LYPD6B: variants seen among roughly 807,000 people sequenced by gnomAD.
LYPD6B encodes ly6/PLAUR domain-containing protein 6B.
A neutral mutation model predicts 22.8 loss-of-function variants in LYPD6B; 17 were observed. The observed-to-expected ratio is 0.75, with a 90% confidence interval of 0.51 to 1.12. The LOEUF (loss-of-function observed/expected upper bound fraction) is 1.12. Among genes scored for constraint, LYPD6B ranks in the 50% most tolerant of loss-of-function variants. LYPD6B has a pLI of 0.00. For synonymous variants in LYPD6B, 106 were observed against 91.6 expected (o/e 1.16, Z -0.90); for missense variants, 221 against 258.3 (o/e 0.86, Z 0.99).
intron 1 of LYPD6B, among the ~76,000 whole-genome samples, chr2:149,066,730 C>T (rs1684353713): frequency 6.6e-6 from 1 of 152,080 alleles, no homozygotes; most frequent in African/African-American, 2.4e-5. Flanking sequence ...TCTTCACCCT[C>T]CAACATTCTC....
At chr2:149,118,843 T>C (rs1000000215) in intron 1 of LYPD6B, among the ~76,000 whole-genome samples, 1 of 152,242 alleles carries the variant, frequency 6.6e-6, no homozygotes, top group Non-Finnish European at 1.5e-5. Context: ...GTTAATCTAC[T>C]GCCTCTCACT....
intron 1 of LYPD6B, among the ~76,000 whole-genome samples, chr2:149,119,954 C>T (rs1009092148): frequency 6.6e-6 from 1 of 152,078 alleles, no homozygotes; most frequent in Non-Finnish European, 1.5e-5. Context: ...TTTTGCACTC[C>T]TGTTAGCTTT....
In LYPD6B at chr2:149,199,539, G is replaced by A. The variant is rs987476960; in HGVS notation, c.78-5714G>A. On this transcript the variant is annotated intron_variant, in intron 3 of 6. Transcript: ENST00000409642. ...TGGACAAGCTATAGTGAAGGCTGAG[G>A]CTGAATCATGATTTTATTTTTTCCT... 5.3e-5 allele frequency among the ~76,000 whole-genome samples: 8 copies of A among 152,226 alleles called. No homozygotes were observed. In the East Asian group the frequency reaches 1.4e-3, roughly 26 times the overall value.
At position 149,208,408 on chromosome 2, in the gene LYPD6B, A is replaced by G; in HGVS notation, c.324A>G (p.Pro108=). ...CNRWAEDKWC[P]QNTQYCLTVH... The stretch of plus-strand genomic sequence containing the variant: ...GATGGGCAGAAGACAAATGGTGTCC[A>G]CAAAGTAAGTGTGCTGAGTTTGGAA... Residue 108 remains proline, a synonymous_variant, in exon 5 of 7, where the codon CCA becomes CCG. Coordinates refer to ENST00000409642, the MANE Select transcript of LYPD6B (RefSeq NM_177964.5). 6.2e-7 allele frequency: 1 copy of G among 1,611,860 alleles called. No homozygotes were observed. The highest frequency in any genetic ancestry group is 8.5e-7 in the Non-Finnish European group (1 of 1,177,966).
intron 1 of LYPD6B, among the ~76,000 whole-genome samples, chr2:149,116,400 T>C (rs927925758): frequency 2.0e-5 from 3 of 152,078 alleles, no homozygotes; most frequent in Non-Finnish European, 4.4e-5. Flanking sequence ...GATTGAGGGG[T>C]TGTTATGGCA....
At chr2:149,159,027 T>C (rs229331) in intron 2 of LYPD6B, among the ~76,000 whole-genome samples, 122,279 of 152,148 alleles carry the variant, frequency 0.8, 49,322 homozygotes, top group Non-Finnish European at 0.83. Flanking sequence ...CTTTTATCCC[T>C]GGATCAGGCC....
chr2:149,154,194 G>C (rs1689552464), intron 2 of LYPD6B: 1 of 155,436 alleles, frequency 6.4e-6, no homozygotes, highest in African/African-American at 2.5e-5. Flanking sequence ...CTCAGGATGA[G>C]CTCATCCTGG....
In LYPD6B at chr2:149,213,957, G is replaced by A. The variant is rs558942165; in HGVS notation, c.460-589G>A. Reference sequence around the variant, plus strand: ...TCCTGGAAGCCTCTATGAATGGCTGGGTTTATCAGGTTGAGACATTGTACC... The same window carrying A: ...TCCTGGAAGCCTCTATGAATGGCTGAGTTTATCAGGTTGAGACATTGTACC... On this transcript the variant is annotated intron_variant, in intron 6 of 6. Transcript: ENST00000409642. Among the ~76,000 whole-genome samples, 3 of 152,180 alleles carry A rather than the reference G, an allele frequency of 2.0e-5. No individual in the cohort carries two copies. The East Asian group carries it at 5.8e-4, about 29-fold the overall frequency.
At chr2:149,104,552 A>T (rs1686375090) in intron 1 of LYPD6B, among the ~76,000 whole-genome samples, 1 of 152,198 alleles carries the variant, frequency 6.6e-6, no homozygotes, top group Admixed American at 6.5e-5. Context: ...GTGTCTGCCC[A>T]TTTAAAAATT....
At chr2:149,122,399 TA>T (rs1395477449) in intron 1 of LYPD6B, among the ~76,000 whole-genome samples, 170 of 150,460 alleles carry the variant, frequency 1.1e-3, no homozygotes, top group African/African-American at 4.1e-3. Flanking sequence ...TTCTTTTTTT[TA>T]AAAATTATTA....
intron 1 of LYPD6B, among the ~76,000 whole-genome samples, chr2:149,083,913 A>G (rs988745037): frequency 2.2e-4 from 33 of 151,330 alleles, no homozygotes; most frequent in African/African-American, 5.8e-4. Context: ...TGTGTCTACT[A>G]AAATAAAAAA....
At chr2:149,044,259 G>A (rs1456821280) in intron 1 of LYPD6B, among the ~76,000 whole-genome samples, 1 of 152,028 alleles carries the variant, frequency 6.6e-6, no homozygotes, top group East Asian at 1.9e-4. Flanking sequence ...TAGTTCATGA[G>A]CAGGGTATAA....
intron 2 of LYPD6B, among the ~76,000 whole-genome samples, chr2:149,137,382 A>G (rs1390929814): frequency 1.3e-5 from 2 of 152,184 alleles, no homozygotes; most frequent in Non-Finnish European, 2.9e-5. Context: ...CAAAGGGTTC[A>G]TTTAAGGGTA....
intron 1 of LYPD6B, among the ~76,000 whole-genome samples, chr2:149,069,187 G>A (rs1014249276): frequency 2.0e-5 from 3 of 151,700 alleles, no homozygotes; most frequent in African/African-American, 4.8e-5. Flanking sequence ...TGGTGGGGGT[G>A]GCCTTGGGAG....
intron 1 of LYPD6B, among the ~76,000 whole-genome samples, chr2:149,098,769 T>TTC (rs550207927): frequency 4.7e-5 from 7 of 150,490 alleles, no homozygotes; most frequent in Non-Finnish European, 8.9e-5. Flanking sequence ...CTTTTTCTTT[T>TTC]TTTTTTTTTT....
intron 2 of LYPD6B, among the ~76,000 whole-genome samples, chr2:149,140,030 T>A (rs962408557): frequency 2.0e-5 from 3 of 152,208 alleles, no homozygotes; most frequent in African/African-American, 7.2e-5. Flanking sequence ...GGGGTGGATT[T>A]TTTTTTCTTT....
intron 5 of LYPD6B, among the ~76,000 whole-genome samples, chr2:149,210,537 CG>C (rs958416493): frequency 6.6e-6 from 1 of 152,186 alleles, no homozygotes; most frequent in Non-Finnish European, 1.5e-5. Context: ...AACCATTTCT[CG>C]GGGCAAATAG....
At chr2:149,209,672 A>G (rs1202211076) in intron 5 of LYPD6B, among the ~76,000 whole-genome samples, 1 of 152,198 alleles carries the variant, frequency 6.6e-6, no homozygotes, top group East Asian at 1.9e-4. Context: ...TACTAATCCA[A>G]TAAATACATT....
chr2:149,076,052 T>C (rs1684865875), intron 1 of LYPD6B, among the ~76,000 whole-genome samples: 1 of 152,118 alleles, frequency 6.6e-6, no homozygotes, highest in African/African-American at 2.4e-5. Context: ...GTTTTGAGTT[T>C]AGGAACGTGA....
Sources: allele counts gnomAD v4.1 joint callset (sites outside exome capture counted in the v4.1 genomes callset), GRCh38; gene constraint gnomAD v4.1.1; transcripts MANE v1.5; gene names NCBI Gene and HGNC (gene_info 2026-07-23, HGNC 2026-07-21).